The following CSMD2 variants were observed in gnomAD, a reference collection of about 807,000 sequenced individuals.
CSMD2 encodes the protein CUB and Sushi multiple domains 2.
CSMD2 carries 130 observed loss-of-function variants against 398.5 expected under a neutral mutation model. The ratio of observed to expected loss-of-function variants is 0.33; its 90% CI spans 0.28 to 0.38. The LOEUF (loss-of-function observed/expected upper bound fraction) is 0.38. Ranked by LOEUF, CSMD2 falls within the 10% of genes least tolerant of loss-of-function variation. CSMD2 has a pLI of 1.00. For missense variants in CSMD2, 3,829 were observed against 4,764.9 expected, an observed-to-expected ratio of 0.80 and a Z score of 5.78; for synonymous variants, 1,828 against 1,908.5, an observed-to-expected ratio of 0.96 and a Z score of 1.10.
chr1:33,986,373 G>A (rs1304354151), intron 3 of CSMD2, among the ~76,000 whole-genome samples: 1 of 152,146 alleles, frequency 6.6e-6, no homozygotes, highest in African/African-American at 2.4e-5. Flanking sequence ...AAGCTAACAC[G>A]TAACATCCTT....
intron 6 of CSMD2, among the ~76,000 whole-genome samples, chr1:33,831,283 G>C (rs1322036125): frequency 6.6e-6 from 1 of 152,188 alleles, no homozygotes; most frequent in Non-Finnish European, 1.5e-5. Flanking sequence ...TACCCACAAA[G>C]GGAAGCCCAT....
At chr1:33,557,356 G>A (rs964327199) in intron 55 of CSMD2, among the ~76,000 whole-genome samples, 2 of 152,140 alleles carry the variant, frequency 1.3e-5, no homozygotes, top group African/African-American at 2.4e-5. Flanking sequence ...AAGGGAAGGG[G>A]TTCATGTGCT....
intron 1 of CSMD2, among the ~76,000 whole-genome samples, chr1:34,150,984 G>T (rs918835639): frequency 2.0e-5 from 3 of 152,226 alleles, no homozygotes; most frequent in South Asian, 2.1e-4. Flanking sequence ...GCTGATAAAG[G>T]GGGGGCGGGG....
chr1:33,803,387 A>G (rs1328786732), intron 10 of CSMD2, among the ~76,000 whole-genome samples: 1 of 152,204 alleles, frequency 6.6e-6, no homozygotes, highest in African/African-American at 2.4e-5. Flanking sequence ...TATCCAAATG[A>G]CATTGAATGA....
intron 15 of CSMD2, among the ~76,000 whole-genome samples, chr1:33,736,624 G>A (rs377303256): frequency 2.0e-4 from 30 of 152,338 alleles, no homozygotes; most frequent in African/African-American, 7.0e-4. Flanking sequence ...GGCAGGTGGA[G>A]AGGAGGATTG....
At position 33,743,366 on chromosome 1, in the gene CSMD2, G is replaced by A; in HGVS notation, c.2087C>T (p.Ser696Phe). 6.2e-7 allele frequency: 1 copy of A among 1,614,192 alleles called. No homozygotes were observed. Among genetic ancestry groups the A allele is most frequent in the South Asian group, 1.1e-5 (1 of 91,072 alleles). The change falls in exon 14 of 71, where the codon TCC (serine) becomes TTC (phenylalanine). Residue 696 changes from serine to phenylalanine, a missense_variant. Physicochemically the swap from Ser to Phe is radical, Grantham distance 155. Transcript: ENST00000373381. ...GGCCACGTGGCCACTGCTTGTGATG[G>A]AGGAGGGAAGCTGGTTTCCTGAGAA... ...GTFSGNQLPS[S>F]ITSSGHVARL...
At chr1:33,656,347 T>G (rs1413690584) in intron 27 of CSMD2, among the ~76,000 whole-genome samples, 1 of 152,164 alleles carries the variant, frequency 6.6e-6, no homozygotes, top group Non-Finnish European at 1.5e-5. Context: ...AATCTGGATG[T>G]GTCTACTTCA....
chr1:33,954,549 G>A (rs1226955438), intron 3 of CSMD2, among the ~76,000 whole-genome samples: 6 of 152,168 alleles, frequency 3.9e-5, no homozygotes, highest in Non-Finnish European at 8.8e-5. Flanking sequence ...AGCGGGAGAA[G>A]CAACTCCAGT....
At chr1:33,939,697 A>C (rs766232783) in intron 3 of CSMD2, among the ~76,000 whole-genome samples, 6 of 152,174 alleles carry the variant, frequency 3.9e-5, no homozygotes, top group Non-Finnish European at 8.8e-5. Context: ...GCTGTTCACA[A>C]TCAGACCACT....
chr1:34,133,748 G>C (rs1638403642), intron 1 of CSMD2, among the ~76,000 whole-genome samples: 1 of 152,002 alleles, frequency 6.6e-6, no homozygotes, highest in Non-Finnish European at 1.5e-5. Flanking sequence ...GTCAAAGAGA[G>C]CATGCCCAAG....
chr1:34,007,755 A>G (rs1484730404), intron 3 of CSMD2, among the ~76,000 whole-genome samples: 2 of 152,220 alleles, frequency 1.3e-5, no homozygotes, highest in Non-Finnish European at 2.9e-5. Context: ...ATAAATATAT[A>G]TATTTCGAAT....
chr1:33,595,087 C>T (rs1639750480), intron 44 of CSMD2, among the ~76,000 whole-genome samples: 1 of 152,242 alleles, frequency 6.6e-6, no homozygotes, highest in Non-Finnish European at 1.5e-5. Flanking sequence ...CTTCACATCT[C>T]ATTCAAGTTT....
intron 5 of CSMD2, among the ~76,000 whole-genome samples, chr1:33,880,770 A>G (rs1641181985): frequency 6.6e-6 from 1 of 152,198 alleles, no homozygotes; most frequent in South Asian, 2.1e-4. Flanking sequence ...GAAAGTACAA[A>G]TTTTGCAGAA....
intron 4 of CSMD2, among the ~76,000 whole-genome samples, chr1:33,918,908 A>G (rs570676649): frequency 9.2e-5 from 14 of 152,358 alleles, no homozygotes; most frequent in African/African-American, 3.4e-4. Flanking sequence ...AGTAACTAGC[A>G]TTAGCCAGTG....
chr1:34,147,009 C>G (rs771140), intron 1 of CSMD2, among the ~76,000 whole-genome samples: 116,013 of 152,080 alleles, frequency 0.76, 46,160 homozygotes, highest in Non-Finnish European at 0.87. Flanking sequence ...TGTAATCCCA[C>G]CACTTTGGGA....
intron 2 of CSMD2, among the ~76,000 whole-genome samples, chr1:34,064,910 G>T (rs573510718): frequency 6.6e-6 from 1 of 152,294 alleles, no homozygotes; most frequent in South Asian, 2.1e-4. Flanking sequence ...AAATGAGGAA[G>T]ATGCAAAAGC....
In CSMD2 at chr1:33,802,892, G is replaced by GC. The variant is rs1352005173; in HGVS notation, c.1446+7850dup. ...TCCAGTTCCAATATTTTAAACACAT[G>GC]CCCCAAAGTAACCCCAAACTTTCTC... On this transcript the variant is annotated intron_variant, in intron 10 of 70. Transcript: ENST00000373381. 1.3e-5 allele frequency among the ~76,000 whole-genome samples: 2 copies of GC among 151,828 alleles called. 1 individual carries two copies. The highest frequency in any genetic ancestry group is 2.9e-5 in the Non-Finnish European group (2 of 67,976).
At chr1:33,575,202 C>T (rs752230944) in intron 49 of CSMD2, among the ~76,000 whole-genome samples, 2 of 152,024 alleles carry the variant, frequency 1.3e-5, no homozygotes, top group Admixed American at 6.6e-5. Context: ...GGGAGAGAGA[C>T]ACAGGTGAGA....
intron 25 of CSMD2, among the ~76,000 whole-genome samples, chr1:33,670,588 T>G (rs945313899): frequency 6.6e-6 from 1 of 151,716 alleles, no homozygotes; most frequent in Non-Finnish European, 1.5e-5. Context: ...ACATAGAATC[T>G]AGCCACACAG....
Sources: allele counts gnomAD v4.1 joint callset (sites outside exome capture counted in the v4.1 genomes callset), GRCh38; gene constraint gnomAD v4.1.1; transcripts MANE v1.5; gene names NCBI Gene and HGNC (gene_info 2026-07-23, HGNC 2026-07-21).